CLIP2: variants seen among roughly 807,000 people sequenced by gnomAD.
CLIP2 encodes CAP-Gly domain containing linker protein 2, also known as CAP-Gly domain-containing linker protein 2.
Under a neutral mutation model 111.7 loss-of-function variants are expected in CLIP2, and 41 were observed. The ratio of observed to expected loss-of-function variants is 0.37; its 90% CI spans 0.29 to 0.48. The LOEUF is 0.48. CLIP2 is among the 20% of genes least tolerant of loss of function. CLIP2 has a pLI of 0.99. For missense variants in CLIP2, 1,160 were observed against 1,422.1 expected, an observed-to-expected ratio of 0.82 and a Z score of 2.96; for synonymous variants, 660 against 644.2, an observed-to-expected ratio of 1.02 and a Z score of -0.37.
At chr7:74,389,060 T>A (rs1791200534) in intron 12 of CLIP2, 43 bp from the exon 13 acceptor site, 4 of 1,564,466 alleles carry the variant, frequency 2.6e-6, no homozygotes, top group African/African-American at 1.4e-5. Flanking sequence ...GAAGCTCACG[T>A]GTTCCCAATC....
chr7:74,392,043 C>CA (rs762485477), intron 13 of CLIP2, among the ~76,000 whole-genome samples: 3 of 151,314 alleles, frequency 2.0e-5, no homozygotes, highest in Non-Finnish European at 4.4e-5. Context: ...CCCATCTCTA[C>CA]AAAAAAATAG....
chr7:74,380,998 T>C, intron 11 of CLIP2, 135 bp downstream of exon 11: 1 of 819,342 alleles, frequency 1.2e-6, no homozygotes, highest in Non-Finnish European at 2.1e-6. Context: ...CTGTGAGCTA[T>C]GTACTCCTGC....
At chr7:74,335,073 C>T (rs1789410452) in intron 2 of CLIP2, among the ~76,000 whole-genome samples, 1 of 151,930 alleles carries the variant, frequency 6.6e-6, no homozygotes, top group Non-Finnish European at 1.5e-5. Context: ...TGACCTTACC[C>T]TCTGTTTCCA....
Position 74,403,438 on chromosome 7 carries a change from G to A in CLIP2, c.3130-399G>A, listed in dbSNP as rs1393684654. 2.9e-4 allele frequency among the ~76,000 whole-genome samples: 44 copies of A among 149,250 alleles called. 1 individual carries two copies. The highest frequency in any genetic ancestry group is 1.1e-3 in the African/African-American group (43 of 40,524). ...ACAAAAATTAGCTGGGCATGGTGGC[G>A]CATGCCTGTTATCCCAGCTACTCAG... is the stretch of plus-strand genomic sequence containing the variant. On this transcript the variant is annotated intron_variant, in intron 16 of 16. Coordinates refer to ENST00000223398, the MANE Select transcript of CLIP2 (RefSeq NM_003388.5).
At chr7:74,320,234 G>C (rs1788909977) in intron 2 of CLIP2, among the ~76,000 whole-genome samples, 1 of 146,646 alleles carries the variant, frequency 6.8e-6, no homozygotes, top group Non-Finnish European at 1.5e-5. Context: ...AAAGGAAAAA[G>C]AGCAGTGGGG....
chr7:74,351,700 G>A (rs1790004651), intron 3 of CLIP2, among the ~76,000 whole-genome samples: 1 of 152,120 alleles, frequency 6.6e-6, no homozygotes, highest in South Asian at 2.1e-4. Flanking sequence ...GCCGGGCATG[G>A]TGACAAACGC....
At chr7:74,401,703 G>T (rs1554317714) in intron 16 of CLIP2, 136 bp downstream of exon 16, 1 of 892,086 alleles carries the variant, frequency 1.1e-6, no homozygotes, top group Admixed American at 2.0e-5. Flanking sequence ...CTCAGGGAGG[G>T]TGCTGTTGCA....
intron 3 of CLIP2, among the ~76,000 whole-genome samples, chr7:74,347,395 G>A (rs577754): frequency 0.7 from 106,900 of 151,898 alleles, 38,034 homozygotes; most frequent in East Asian, 0.82. Context: ...CAGCCTCCCG[G>A]GTAGCTGGGA....
Position 74,323,366 on chromosome 7 carries a change from C to T in CLIP2, c.121+5699C>T, listed in dbSNP as rs141945013. Among the ~76,000 whole-genome samples, 802 of 151,622 alleles carry T rather than the reference C, an allele frequency of 5.3e-3. 2 individuals are homozygous for T. The highest frequency in any genetic ancestry group is 9.2e-3 in the Non-Finnish European group (623 of 67,952). ...GGCTCAAGCGATCCTCCCACCTCAG[C>T]CTACCAAAGGGCGTGAGCCACCATG... On this transcript the variant is annotated intron_variant, in intron 2 of 16. Transcript: ENST00000223398.
chr7:74,293,447 C>A (rs229900), intron 1 of CLIP2, among the ~76,000 whole-genome samples: 258 of 152,254 alleles, frequency 1.7e-3, no homozygotes, highest in Admixed American at 3.8e-3. Flanking sequence ...TAGCCTGAGT[C>A]CACGGGACCT....
At chr7:74,321,889 G>A (rs933541092) in intron 2 of CLIP2, among the ~76,000 whole-genome samples, 7 of 151,986 alleles carry the variant, frequency 4.6e-5, no homozygotes, top group South Asian at 4.2e-4. Flanking sequence ...ACCCAGAGCC[G>A]CTTCCAGACG....
intron 11 of CLIP2, among the ~76,000 whole-genome samples, chr7:74,385,122 C>CAAA (rs71094780): frequency 2.7e-4 from 14 of 51,594 alleles, no homozygotes; most frequent in Non-Finnish European, 2.9e-4. Context: ...ATTAAAAATA[C>CAAA]AAAAAAAAAA....
intron 1 of CLIP2, among the ~76,000 whole-genome samples, chr7:74,300,539 T>C (rs983314526): frequency 1.1e-4 from 16 of 150,954 alleles, no homozygotes; most frequent in Non-Finnish European, 2.1e-4. Context: ...CATTGCAAAC[T>C]CCGCCTCCCA....
intron 2 of CLIP2, among the ~76,000 whole-genome samples, chr7:74,317,970 T>C (rs782584000): frequency 2.0e-4 from 31 of 152,074 alleles, no homozygotes; most frequent in Non-Finnish European, 4.0e-4. Flanking sequence ...GGCGGCTGGA[T>C]CACTGGAGGT....
chr7:74,319,557 G>A (rs139341535), intron 2 of CLIP2, among the ~76,000 whole-genome samples: 2,356 of 152,134 alleles, frequency 0.015, 27 homozygotes, highest in Non-Finnish European at 0.023. Context: ...GGTGGCTCAC[G>A]CCTGTAATCC....
At chr7:74,385,804 G>A (rs1554314682) in intron 11 of CLIP2, among the ~76,000 whole-genome samples, 1 of 145,940 alleles carries the variant, frequency 6.9e-6, no homozygotes, top group African/African-American at 2.6e-5. Flanking sequence ...GTGCGATGGT[G>A]CGATCTCTGC....
In CLIP2 at chr7:74,397,183, C is replaced by G; in HGVS notation, c.2830C>G (p.Gln944Glu). The G allele has an allele frequency of 6.2e-7, 1 of 1,613,578 alleles. No individual in the cohort carries two copies. Among genetic ancestry groups the G allele is most frequent in the Non-Finnish European group, 8.5e-7 (1 of 1,179,948 alleles). ...CAAGGCTGAGTGGCGGATCAAGGAG[C>G]AGAAACTCAAGGATGACATCCGGGG... ...VHKAEWRIKE[Q>E]KLKDDIRGLR... is the part of the protein sequence containing the mutation. The change falls in exon 14 of 17, where the codon CAG becomes GAG. Residue 944 changes from glutamine (Q) to glutamate (E), a missense_variant. Physicochemically the swap from Gln to Glu is conservative, Grantham distance 29. Around this residue, in one of 5 missense-constraint regions of CLIP2, gnomAD observed 676 missense variants for 777.8 expected, o/e 0.87. Transcript: ENST00000223398.
intron 2 of CLIP2, among the ~76,000 whole-genome samples, chr7:74,335,514 T>TATTA (rs1789424423): frequency 6.6e-6 from 1 of 151,130 alleles, no homozygotes; most frequent in Non-Finnish European, 1.5e-5. Context: ...TTTATTTATT[T>TATTA]ATTTATAAGA....
chr7:74,375,887 C>A lies in CLIP2; in HGVS notation c.1486C>A (p.Leu496Met). 6.5e-7 allele frequency: 1 copy of A among 1,539,702 alleles called. No homozygotes were observed. The highest frequency in any genetic ancestry group is 2.4e-5 in the East Asian group (1 of 41,840). The change falls in exon 10 of 17, where the codon CTG becomes ATG. Residue 496 changes from leucine to methionine, a missense_variant and splice_region_variant. Transcript: ENST00000223398. ...RLLRELADNR[L>M]TTVAEKSRVL... Reference sequence around the variant, plus strand: ...TCCCTGTCTCCCTCTCTCCCCACAGCTGACCACAGTGGCCGAGAAGTCGCG... The same window carrying A: ...TCCCTGTCTCCCTCTCTCCCCACAGATGACCACAGTGGCCGAGAAGTCGCG...
Sources: gnomAD v4.1 joint callset for allele counts (sites outside exome capture counted in the v4.1 genomes callset) on GRCh38, gnomAD v4.1.1 for gene constraint, gnomAD v4.1.1 regional missense constraint, MANE v1.5 for transcripts, NCBI Gene and HGNC (gene_info 2026-07-23, HGNC 2026-07-21) for gene names.